Variants in PCBP2 observed in about 807,000 individuals in gnomAD.
The protein encoded by PCBP2 is poly(rC)-binding protein 2.
PCBP2 carries 4 observed loss-of-function variants against 50.1 expected under a neutral mutation model. That is an observed-to-expected ratio of 0.08 (90% CI 0.04 to 0.18). PCBP2 has a LOEUF of 0.18. Among genes scored for constraint, PCBP2 ranks in the 10% least tolerant of loss-of-function variants. The probability of loss-of-function intolerance (pLI) is 1.00; values close to 1 mark genes in which losing one functional copy is unlikely to be tolerated. For missense variants in PCBP2, 161 were observed against 474.3 expected (o/e 0.34, Z 6.14); for synonymous variants, 179 against 168.0 (o/e 1.07, Z -0.51).
At chr12:53,459,794 C>T in intron 6 of PCBP2, 3 of 420,016 alleles carry the variant, frequency 7.1e-6, no homozygotes, top group South Asian at 3.3e-5. Context: ...CACTCTGTCT[C>T]CCCAGGCTGG....
At chr12:53,467,449 A>G in intron 11 of PCBP2, 156 bp downstream of exon 11, 2 of 730,714 alleles carry the variant, frequency 2.7e-6, no homozygotes, top group East Asian at 2.6e-5. Flanking sequence ...CAAGGAGGTA[A>G]TGTGTTTGTT....
chr12:53,468,883 G>T, intron 13 of PCBP2, 51 bp downstream of exon 13: 3 of 1,179,050 alleles, frequency 2.5e-6, no homozygotes, highest in Non-Finnish European at 3.8e-6. Context: ...AGACTGTAAA[G>T]AAATAGATGT....
At chr12:53,460,922 C>G (rs1033082461) in intron 6 of PCBP2, 93 bp from the exon 7 acceptor site, 14 of 1,344,454 alleles carry the variant, frequency 1.0e-5, no homozygotes, top group Admixed American at 5.4e-5. Flanking sequence ...GGATAAATAT[C>G]TACTAGAGTT....
chr12:53,465,202 C>T (rs1428055414), intron 9 of PCBP2: 2 of 205,768 alleles, frequency 9.7e-6, no homozygotes, highest in African/African-American at 2.3e-5. Flanking sequence ...CCAGCCACTC[C>T]TTCCATCCCC....
At chr12:53,455,273 G>A in intron 2 of PCBP2, 74 bp from the exon 3 acceptor site, 2 of 1,408,530 alleles carry the variant, frequency 1.4e-6, no homozygotes, top group Non-Finnish European at 1.9e-6. Context: ...GTAGAAAAAG[G>A]AAAAATAAAA....
chr12:53,459,724 G>A (rs1193539444), intron 6 of PCBP2: 1 of 275,210 alleles, frequency 3.6e-6, no homozygotes, highest in Non-Finnish European at 7.4e-6. Flanking sequence ...GTTTGCTATA[G>A]TAGCAACGGT....
At chr12:53,455,187 A>G (rs1339044897) in intron 2 of PCBP2, among the ~76,000 whole-genome samples, 160 bp from the exon 3 acceptor site, 1 of 152,248 alleles carries the variant, frequency 6.6e-6, no homozygotes, top group Non-Finnish European at 1.5e-5. Context: ...CTTTTGGGGT[A>G]ATAATTAGCA....
chr12:53,457,596 T>C (rs1053991292), intron 5 of PCBP2, among the ~76,000 whole-genome samples: 1 of 152,102 alleles, frequency 6.6e-6, no homozygotes, highest in Admixed American at 6.6e-5. Flanking sequence ...TCCTCCTGTC[T>C]CAGCCTCCCA....
intron 6 of PCBP2, chr12:53,459,845 G>T: frequency 2.2e-6 from 1 of 453,454 alleles, no homozygotes. Context: ...GCAAAACATC[G>T]ACCTTCCCAG....
At chr12:53,469,320 AAAAT>A (rs574189125) in intron 13 of PCBP2, among the ~76,000 whole-genome samples, 147 of 152,312 alleles carry the variant, frequency 9.7e-4, no homozygotes, top group Non-Finnish European at 1.3e-3. Flanking sequence ...TTTAGACACA[AAAAT>A]AAGTTGATTA....
intron 8 of PCBP2, 150 bp from the exon 9 acceptor site, chr12:53,464,610 C>A: frequency 3.8e-6 from 4 of 1,065,208 alleles, no homozygotes; most frequent in African/African-American, 3.3e-5. Context: ...TTTTTTAATT[C>A]ACTGATTACA....
intron 5 of PCBP2, among the ~76,000 whole-genome samples, chr12:53,457,351 C>G (rs1432464730): frequency 6.6e-6 from 1 of 152,094 alleles, no homozygotes; most frequent in Non-Finnish European, 1.5e-5. Context: ...CATGCCCAGC[C>G]TGGAATTTAT....
intron 9 of PCBP2, chr12:53,465,074 A>G (rs1264790930): frequency 2.4e-6 from 1 of 410,768 alleles, no homozygotes; most frequent in Non-Finnish European, 4.1e-6. Flanking sequence ...TTTTTTGTTC[A>G]ACCCCTCTTC....
intron 14 of PCBP2, among the ~76,000 whole-genome samples, chr12:53,478,191 C>T (rs774060278): frequency 3.3e-5 from 5 of 152,184 alleles, no homozygotes; most frequent in Non-Finnish European, 7.3e-5. Flanking sequence ...TTGTCTGCTA[C>T]TTTTAAGTCC....
chr12:53,456,059 G>C (rs1940985746), intron 5 of PCBP2, 58 bp downstream of exon 5: 1 of 1,042,728 alleles, frequency 9.6e-7, no homozygotes, highest in Non-Finnish European at 1.5e-6. Flanking sequence ...AGAGCTTGTT[G>C]ATTTTCTAAG....
At chr12:53,477,749 ATAGT>A (rs1207627274) in intron 14 of PCBP2, among the ~76,000 whole-genome samples, 2 of 151,764 alleles carry the variant, frequency 1.3e-5, no homozygotes, top group African/African-American at 4.8e-5. Context: ...CTAAAAGTAA[ATAGT>A]TTGTAGTCGA....
intron 13 of PCBP2, 81 bp downstream of exon 13, chr12:53,468,913 T>TA: frequency 1.3e-6 from 1 of 799,712 alleles, no homozygotes; most frequent in Non-Finnish European, 1.9e-6. Flanking sequence ...AGTGTCCTGC[T>TA]ACCCTTTTTT....
chr12:53,456,271 A>G (rs1486775776), intron 5 of PCBP2, among the ~76,000 whole-genome samples: 1 of 152,070 alleles, frequency 6.6e-6, no homozygotes, highest in Non-Finnish European at 1.5e-5. Context: ...GTTCGAGACC[A>G]ACATAGTGAA....
intron 6 of PCBP2, 31 bp from the exon 7 acceptor site, chr12:53,460,984 C>T (rs768288109): frequency 1.2e-6 from 2 of 1,610,244 alleles, no homozygotes; most frequent in African/African-American, 2.7e-5. Context: ...AACTGTTTTT[C>T]TCTGATTTTG....
Sources: gnomAD v4.1 joint callset for allele counts (sites outside exome capture counted in the v4.1 genomes callset) on GRCh38, gnomAD v4.1.1 for gene constraint, MANE v1.5 for transcripts, NCBI Gene and HGNC (gene_info 2026-07-23, HGNC 2026-07-21) for gene names.